The following REDIC1 variants were observed in gnomAD, a reference collection of about 807,000 sequenced individuals.
The protein encoded by REDIC1 is HEI10 Interacting Protein 1.
At chr12:39,856,650 A>G in the REDIC1 span, among the ~76,000 whole-genome samples, 1 of 152,208 alleles carries the variant, frequency 6.6e-6, no homozygotes, top group Non-Finnish European at 1.5e-5. Flanking sequence ...TACAGGCATG[A>G]GCCACTGCGC....
chr12:39,727,094 A>G, the REDIC1 span, among the ~76,000 whole-genome samples: 2 of 151,914 alleles, frequency 1.3e-5, no homozygotes, highest in Non-Finnish European at 2.9e-5. Flanking sequence ...GATTGCAAAA[A>G]TTTTCTCCCA....
At chr12:39,896,083 C>CATAT in the REDIC1 span, among the ~76,000 whole-genome samples, 1 of 145,094 alleles carries the variant, frequency 6.9e-6, no homozygotes, top group African/African-American at 2.5e-5. Flanking sequence ...TACACGTGTA[C>CATAT]ATATATGTAT....
the REDIC1 span, among the ~76,000 whole-genome samples, chr12:39,793,451 T>G: frequency 6.6e-6 from 1 of 152,134 alleles, no homozygotes; most frequent in Non-Finnish European, 1.5e-5. Context: ...CAATATAAGC[T>G]CACTCTAAAA....
the REDIC1 span, among the ~76,000 whole-genome samples, chr12:39,822,019 C>G: frequency 6.6e-6 from 1 of 151,840 alleles, no homozygotes; most frequent in South Asian, 2.1e-4. Flanking sequence ...GCTGCACACA[C>G]TAACTCGTCA....
the REDIC1 span, among the ~76,000 whole-genome samples, chr12:39,694,610 C>G: frequency 6.6e-6 from 1 of 152,162 alleles, no homozygotes; most frequent in Non-Finnish European, 1.5e-5. Flanking sequence ...TTTGCATAAG[C>G]CCTCCTATTA....
chr12:39,721,215 T>G, the REDIC1 span: 1 of 1,613,438 alleles, frequency 6.2e-7, no homozygotes, highest in Non-Finnish European at 8.5e-7. Context: ...TTAAGGCAGA[T>G]ACCACTGGAG....
the REDIC1 span, among the ~76,000 whole-genome samples, chr12:39,780,745 G>A: frequency 6.6e-6 from 1 of 152,126 alleles, no homozygotes; most frequent in African/African-American, 2.4e-5. Flanking sequence ...CAATAAGATG[G>A]CAGTGTTAGG....
chr12:39,753,733 A>G, the REDIC1 span, among the ~76,000 whole-genome samples: 1 of 152,172 alleles, frequency 6.6e-6, no homozygotes, highest in African/African-American at 2.4e-5. Flanking sequence ...AACAAAAGCT[A>G]ACAGTTATCC....
At chr12:39,702,947 G>T in the REDIC1 span, among the ~76,000 whole-genome samples, 2 of 152,090 alleles carry the variant, frequency 1.3e-5, no homozygotes, top group African/African-American at 4.8e-5. Context: ...AATAATAAGA[G>T]CTATCTATGA....
chr12:39,677,395 A>G, the REDIC1 span, among the ~76,000 whole-genome samples: 1 of 152,210 alleles, frequency 6.6e-6, no homozygotes. Flanking sequence ...GGAAAATATC[A>G]CAATCCTAAA....
At chr12:39,807,599 T>G in the REDIC1 span, among the ~76,000 whole-genome samples, 1 of 152,218 alleles carries the variant, frequency 6.6e-6, no homozygotes, top group Non-Finnish European at 1.5e-5. Flanking sequence ...TCAAAGGTAC[T>G]GTTAAACCTG....
At chr12:39,700,823 A>T in the REDIC1 span, among the ~76,000 whole-genome samples, 5 of 152,224 alleles carry the variant, frequency 3.3e-5, no homozygotes, top group South Asian at 1.0e-3. Flanking sequence ...AGAATTTCAT[A>T]TCCAGCCAAA....
the REDIC1 span, among the ~76,000 whole-genome samples, chr12:39,901,401 G>A: frequency 0.32 from 46,817 of 147,826 alleles, 8,231 homozygotes; most frequent in Non-Finnish European, 0.4. Flanking sequence ...AGAGTGAACA[G>A]ACAACCTACA....
chr12:39,733,069 G>GCACACACACA, the REDIC1 span, among the ~76,000 whole-genome samples: 2,666 of 148,426 alleles, frequency 0.018, 47 homozygotes, highest in African/African-American at 0.042. Context: ...GCAGAAAAAT[G>GCACACACACA]CACACACACA....
the REDIC1 span, among the ~76,000 whole-genome samples, chr12:39,723,997 C>G: frequency 2.0e-5 from 3 of 152,142 alleles, no homozygotes; most frequent in Non-Finnish European, 4.4e-5. Flanking sequence ...GGGCATCCCT[C>G]ATTTTCATAC....
chr12:39,641,502 A>T, the REDIC1 span, among the ~76,000 whole-genome samples: 1 of 151,768 alleles, frequency 6.6e-6, no homozygotes, highest in Non-Finnish European at 1.5e-5. Flanking sequence ...ATGGAGAAAG[A>T]AGACAGGCAA....
the REDIC1 span, among the ~76,000 whole-genome samples, chr12:39,903,310 A>G: frequency 4.6e-5 from 7 of 152,156 alleles, no homozygotes; most frequent in South Asian, 2.1e-4. Context: ...TATATCTGAC[A>G]GATTAGCTAT....
the REDIC1 span, among the ~76,000 whole-genome samples, chr12:39,735,296 A>T: frequency 6.6e-6 from 1 of 152,214 alleles, no homozygotes; most frequent in Admixed American, 6.5e-5. Flanking sequence ...GAGGGCTGAA[A>T]GGAAATTAAA....
the REDIC1 span, chr12:39,829,416 CTTTTTTT>C: frequency 1.5e-5 from 1 of 67,652 alleles, no homozygotes; most frequent in Admixed American, 2.2e-4. Context: ...TTTTTTTTTT[CTTTTTTT>C]TGAGGCAGAG....
Sources: allele counts gnomAD v4.1 joint callset (sites outside exome capture counted in the v4.1 genomes callset), GRCh38; gene constraint gnomAD v4.1.1; transcripts MANE v1.5; gene names NCBI Gene and HGNC (gene_info 2026-07-23, HGNC 2026-07-21).